The following DNAAF9 variants were observed in gnomAD, a reference collection of about 807,000 sequenced individuals.
DNAAF9 encodes dynein axonemal assembly factor 9, also known as shulin.
Under a neutral mutation model 167.0 loss-of-function variants are expected in DNAAF9, and 90 were observed. The observed-to-expected ratio is 0.54, with a 90% confidence interval of 0.45 to 0.64. The LOEUF is 0.64. Among genes scored for constraint, DNAAF9 ranks in the 30% least tolerant of loss-of-function variants. The probability of loss-of-function intolerance (pLI) is 0.00; values close to 1 mark genes in which losing one functional copy is unlikely to be tolerated. For synonymous variants in DNAAF9, 491 were observed against 508.8 expected, an observed-to-expected ratio of 0.96 and a Z score of 0.47; for missense variants, 1,315 against 1,442.2, an observed-to-expected ratio of 0.91 and a Z score of 1.43.
chr20:3,343,437 G>A (rs1382007150), intron 9 of DNAAF9, among the ~76,000 whole-genome samples: 2 of 152,044 alleles, frequency 1.3e-5, no homozygotes, highest in African/African-American at 4.8e-5. Flanking sequence ...ATGAGCCACC[G>A]CACCTGGCTG....
chr20:3,375,444 T>C (rs1315672196), intron 4 of DNAAF9, among the ~76,000 whole-genome samples: 1 of 152,186 alleles, frequency 6.6e-6, no homozygotes, highest in African/African-American at 2.4e-5. Context: ...GTCACAACTT[T>C]CATGAAATCC....
Position 3,362,837 on chromosome 20 carries a change from A to G in DNAAF9, c.613-3244T>C, listed in dbSNP as rs114102844. 4.6e-3 allele frequency among the ~76,000 whole-genome samples: 698 copies of G among 152,224 alleles called. 3 individuals are homozygous for G. Among genetic ancestry groups the G allele is most frequent in the African/African-American group, 0.016 (663 of 41,540 alleles). ...TTCACATTCTTTGACATCATCCTGG[A>G]GCTCTCAGTTGATGGATTTTGCTCT... is the stretch of plus-strand genomic sequence containing the variant. On this transcript the variant is annotated intron_variant, in intron 6 of 36. Transcript: ENST00000252032.
At chr20:3,376,067 T>A in intron 4 of DNAAF9, 111 bp downstream of exon 4, 1 of 981,934 alleles carries the variant, frequency 1.0e-6, no homozygotes, top group Admixed American at 2.5e-5. Context: ...ATAATCTTTT[T>A]TATATAGTCA....
chr20:3,333,280 T>C (rs181232460), intron 10 of DNAAF9, among the ~76,000 whole-genome samples: 2 of 152,336 alleles, frequency 1.3e-5, no homozygotes, highest in Admixed American at 6.5e-5. Context: ...AGAGATAAAA[T>C]AGATGTCCTT....
At chr20:3,399,481 T>TA (rs1463884752) in intron 1 of DNAAF9, among the ~76,000 whole-genome samples, 2 of 152,144 alleles carry the variant, frequency 1.3e-5, no homozygotes, top group Non-Finnish European at 2.9e-5. Context: ...GTGCTGGGAT[T>TA]ACAGGCATGA....
At chr20:3,370,206 A>G (rs1024263247) in intron 6 of DNAAF9, among the ~76,000 whole-genome samples, 4 of 152,212 alleles carry the variant, frequency 2.6e-5, no homozygotes, top group Non-Finnish European at 5.9e-5. Flanking sequence ...ACACTAGCCA[A>G]TGAAATCTCT....
At position 3,315,844 on chromosome 20, in the gene DNAAF9, G is replaced by A; in HGVS notation, c.1540-59C>T. The A allele has an allele frequency of 8.1e-7, 1 of 1,235,626 alleles. No individual in the cohort carries two copies. The highest frequency in any genetic ancestry group is 1.2e-5 in the South Asian group (1 of 83,418). 76.5% of individuals were successfully genotyped at this position (1,235,626 alleles called of 1,614,324 possible). On this transcript the variant is annotated intron_variant, in intron 18 of 36. Transcript: ENST00000252032. This position sits in a 1 kb window ranked among gnomAD's most constrained non-coding sequence, Gnocchi z 4.1. ...CTACTTCAAGGGAAAACCCTGCTAG[G>A]TCTCCCCACTGTGTTCAAATATTTC...
chr20:3,289,898 G>A (rs981360050), intron 26 of DNAAF9, among the ~76,000 whole-genome samples: 2 of 152,116 alleles, frequency 1.3e-5, no homozygotes, highest in Non-Finnish European at 1.5e-5. Context: ...TAGAATGTAA[G>A]CTCCATAAGT....
chr20:3,340,433 T>TCCGGGGGGCCCCCCCCCCCCCCCCC, intron 10 of DNAAF9, 71 bp downstream of exon 10: 2 of 221,214 alleles, frequency 9.0e-6, no homozygotes, highest in East Asian at 1.2e-4. Flanking sequence ...TTTGTCTAGC[T>TCCGGGGGGCCCCCCCCCCCCCCCCC]CCCCCCACCC....
chr20:3,383,908 C>T (rs2083697749), intron 1 of DNAAF9, among the ~76,000 whole-genome samples: 1 of 151,748 alleles, frequency 6.6e-6, no homozygotes, highest in South Asian at 2.1e-4. Flanking sequence ...AAGCGACTCT[C>T]ATGCCTCAGT....
At chr20:3,283,559 C>T (rs981121419) in intron 27 of DNAAF9, among the ~76,000 whole-genome samples, 1 of 152,198 alleles carries the variant, frequency 6.6e-6, no homozygotes, top group African/African-American at 2.4e-5. Context: ...GAGTGCCTGG[C>T]TGGGCCTGGA....
chr20:3,302,848 G>T (rs752442892), intron 21 of DNAAF9, among the ~76,000 whole-genome samples: 1 of 152,206 alleles, frequency 6.6e-6, no homozygotes. Context: ...GTGGTTTCAT[G>T]AATGTACACA....
At chr20:3,404,303 T>C (rs1291671622) in intron 1 of DNAAF9, among the ~76,000 whole-genome samples, 1 of 152,336 alleles carries the variant, frequency 6.6e-6, no homozygotes, top group East Asian at 1.9e-4. Flanking sequence ...CTCAAAGTGC[T>C]GGGATTACAG....
intron 7 of DNAAF9, among the ~76,000 whole-genome samples, chr20:3,355,577 A>C (rs1266134577): frequency 6.6e-6 from 1 of 152,076 alleles, no homozygotes; most frequent in Non-Finnish European, 1.5e-5. Context: ...GTTTCAAAAA[A>C]AAAAAAAGAA....
At chr20:3,339,061 T>C (rs2070027053) in intron 10 of DNAAF9, among the ~76,000 whole-genome samples, 1 of 152,188 alleles carries the variant, frequency 6.6e-6, no homozygotes, top group African/African-American at 2.4e-5. Flanking sequence ...TCCATGGATA[T>C]GTCTGCTCTA....
intron 36 of DNAAF9, among the ~76,000 whole-genome samples, chr20:3,253,147 G>T (rs915731095): frequency 1.3e-5 from 2 of 151,812 alleles, no homozygotes; most frequent in African/African-American, 4.8e-5. Context: ...AACATGGCGA[G>T]ACCTAGTCTC....
At chr20:3,351,229 A>C (rs2070317182) in intron 7 of DNAAF9, among the ~76,000 whole-genome samples, 1 of 152,226 alleles carries the variant, frequency 6.6e-6, no homozygotes, top group South Asian at 2.1e-4. Flanking sequence ...GCAGTGGCTC[A>C]TGCCTGTAAT....
chr20:3,317,020 G>A (rs1011957494), intron 17 of DNAAF9, among the ~76,000 whole-genome samples: 2 of 146,980 alleles, frequency 1.4e-5, no homozygotes, highest in Non-Finnish European at 3.0e-5. Context: ...TCATCCTCCC[G>A]AATAGCTGGG....
In DNAAF9 at chr20:3,346,449, A is replaced by G. The variant is rs545093512; in HGVS notation, c.789+2076T>C. On this transcript the variant is annotated intron_variant, in intron 8 of 36. Coordinates refer to ENST00000252032, the MANE Select transcript of DNAAF9 (RefSeq NM_001009984.3). ...GGGCTGAATAAATTAAGACAAATCC[A>G]CAAAATGGAGTACTATGAATTGTAA... 5.3e-5 allele frequency among the ~76,000 whole-genome samples: 8 copies of G among 152,296 alleles called. No homozygotes were observed. In the South Asian group the frequency reaches 1.7e-3, roughly 32 times the overall value.
Sources: gnomAD v4.1 joint callset for allele counts (sites outside exome capture counted in the v4.1 genomes callset) on GRCh38, gnomAD v4.1.1 for gene constraint, Gnocchi (gnomAD v3.1) non-coding constraint, MANE v1.5 for transcripts, NCBI Gene and HGNC (gene_info 2026-07-23, HGNC 2026-07-21) for gene names.